Variants in RBFOX1 observed in about 807,000 individuals in gnomAD.
The protein encoded by RBFOX1 is RNA binding protein fox-1 homolog 1.
In RBFOX1, 8 loss-of-function variants were observed where a neutral mutation model predicts 57.7. The ratio of observed to expected loss-of-function variants is 0.14; its 90% CI spans 0.08 to 0.25. RBFOX1 has a LOEUF of 0.25. RBFOX1 is among the 10% of genes least tolerant of loss of function. RBFOX1 has a pLI of 1.00. For missense variants in RBFOX1, 611 were observed against 548.5 expected (o/e 1.11, Z -1.14); for synonymous variants, 326 against 222.4 (o/e 1.47, Z -4.15).
chr16:6,816,170 G>C (rs929373244), intron 3 of RBFOX1, among the ~76,000 whole-genome samples: 1 of 152,058 alleles, frequency 6.6e-6, no homozygotes, highest in Non-Finnish European at 1.5e-5. Context: ...AATTAGGTAG[G>C]TGTGGTGATG....
intron 5 of RBFOX1, among the ~76,000 whole-genome samples, chr16:7,557,928 GA>G (rs1276937817): frequency 1.3e-4 from 20 of 152,032 alleles, no homozygotes; most frequent in African/African-American, 4.3e-4. Context: ...TGCAGAAGTG[GA>G]CCATCACGCA....
intron 2 of RBFOX1, among the ~76,000 whole-genome samples, chr16:6,605,776 A>G (rs1033205506): frequency 1.3e-5 from 2 of 152,296 alleles, no homozygotes; most frequent in Middle Eastern, 3.4e-3. Flanking sequence ...GCATTTCATT[A>G]TGAAACAACA....
At chr16:5,977,511 G>C in intron 4 of RBFOX1, among the ~76,000 whole-genome samples, 1 of 152,272 alleles carries the variant, frequency 6.6e-6, no homozygotes, top group African/African-American at 2.4e-5. Flanking sequence ...TCGCTCTGGA[G>C]AGAGCATGGC....
At chr16:7,698,205 T>C (rs1366580322) in intron 14 of RBFOX1, among the ~76,000 whole-genome samples, 1 of 149,684 alleles carries the variant, frequency 6.7e-6, no homozygotes, top group Non-Finnish European at 1.5e-5. Flanking sequence ...TGTGTGTGTG[T>C]GTGTGTGTGT....
intron 4 of RBFOX1, among the ~76,000 whole-genome samples, chr16:7,506,097 A>G (rs2151945062): frequency 6.7e-6 from 1 of 148,482 alleles, no homozygotes; most frequent in South Asian, 2.2e-4. Flanking sequence ...AGGCAGGAGA[A>G]CTGCTTGAAC....
At chr16:7,187,941 G>T (rs1439070559) in intron 4 of RBFOX1, among the ~76,000 whole-genome samples, 1 of 152,146 alleles carries the variant, frequency 6.6e-6, no homozygotes, top group African/African-American at 2.4e-5. Flanking sequence ...TCAAATCACA[G>T]CACTTTAAGA....
At chr16:7,367,068 C>A (rs944393715) in intron 4 of RBFOX1, among the ~76,000 whole-genome samples, 2 of 144,322 alleles carry the variant, frequency 1.4e-5, no homozygotes, top group African/African-American at 2.6e-5. Flanking sequence ...TTTTTTTTTT[C>A]TTTTTGTCTT....
chr16:5,960,109 G>C lies in RBFOX1; in HGVS notation c.351+92774G>C, dbSNP rs145602275. ...CCAGCTACTTAGGAGGCCGAGACAGGAGAATTGCTTGAACCCAAGTGGCGG... is the reference window on the plus strand; with the variant it reads ...CCAGCTACTTAGGAGGCCGAGACAGCAGAATTGCTTGAACCCAAGTGGCGG... On this transcript the variant is annotated intron_variant, in intron 4 of 19. Transcript: ENST00000641259. Among the ~76,000 whole-genome samples the C allele has an allele frequency of 6.7e-3, 1,027 of 152,274 alleles. 6 individuals are homozygous for C. The highest frequency in any genetic ancestry group is 0.012 in the Non-Finnish European group (796 of 68,034).
intron 2 of RBFOX1, among the ~76,000 whole-genome samples, chr16:5,475,710 G>T (rs1053302980): frequency 2.6e-5 from 4 of 152,244 alleles, no homozygotes; most frequent in African/African-American, 9.6e-5. Flanking sequence ...AAATGGTGAA[G>T]GTGAGTCTTT....
chr16:6,694,734 A>C (rs374199643), intron 3 of RBFOX1, among the ~76,000 whole-genome samples: 1 of 152,292 alleles, frequency 6.6e-6, no homozygotes, highest in Middle Eastern at 3.4e-3. Flanking sequence ...CATTGGTAAT[A>C]GGTATAAAAA....
intron 1 of RBFOX1, among the ~76,000 whole-genome samples, chr16:6,156,770 T>C (rs916784082): frequency 2.0e-5 from 3 of 152,178 alleles, no homozygotes; most frequent in African/African-American, 7.2e-5. Context: ...TGGGGGCTCT[T>C]GTGTTACTCG....
chr16:6,726,525 G>T (rs1208163819), intron 3 of RBFOX1, among the ~76,000 whole-genome samples: 1 of 151,884 alleles, frequency 6.6e-6, no homozygotes, highest in Admixed American at 6.6e-5. Flanking sequence ...AAAGTACAGT[G>T]CCTGGACATG....
chr16:6,853,126 C>T (rs7500396), intron 3 of RBFOX1, among the ~76,000 whole-genome samples: 79,806 of 151,990 alleles, frequency 0.53, 23,309 homozygotes, highest in African/African-American at 0.79. Flanking sequence ...AATGATTGTG[C>T]GAACTTGGGA....
At chr16:5,799,795 A>G (rs1166688698) in intron 3 of RBFOX1, among the ~76,000 whole-genome samples, 1 of 152,176 alleles carries the variant, frequency 6.6e-6, no homozygotes, top group Non-Finnish European at 1.5e-5. Flanking sequence ...GAGCTTCTGA[A>G]TAGCTCTTTG....
At chr16:7,245,890 G>A (rs1358577039) in intron 4 of RBFOX1, among the ~76,000 whole-genome samples, 1 of 152,038 alleles carries the variant, frequency 6.6e-6, no homozygotes, top group Non-Finnish European at 1.5e-5. Context: ...CTACAGTCTT[G>A]CAAATAGATA....
Position 7,366,407 on chromosome 16 carries a change from T to C in RBFOX1, c.28-151740T>C, listed in dbSNP as rs1050104238. Among the ~76,000 whole-genome samples, 5 of 152,186 alleles carry C rather than the reference T, an allele frequency of 3.3e-5. No individual in the cohort carries two copies. In the South Asian group the frequency reaches 6.2e-4, roughly 19 times the overall value. ...CAGGGAAGCTGCGCCCTGACATTTATGGCTGAGCCGAGTTTGGCCTTGAAA... is the reference window on the plus strand; with the variant it reads ...CAGGGAAGCTGCGCCCTGACATTTACGGCTGAGCCGAGTTTGGCCTTGAAA... On this transcript the variant is annotated intron_variant, in intron 4 of 15. Coordinates refer to ENST00000550418, the MANE Select transcript of RBFOX1 (RefSeq NM_018723.4).
At chr16:6,010,309 G>A (rs2094953991) in intron 4 of RBFOX1, among the ~76,000 whole-genome samples, 1 of 152,156 alleles carries the variant, frequency 6.6e-6, no homozygotes, top group African/African-American at 2.4e-5. Context: ...AATAAGTGAT[G>A]GAAACTGGTG....
In RBFOX1 at chr16:5,247,907, G is replaced by C. The variant is rs1002559635; in HGVS notation, c.219+7802G>C. Among the ~76,000 whole-genome samples, 4 of 152,320 alleles carry C rather than the reference G, an allele frequency of 2.6e-5. No individual in the cohort carries two copies. In the East Asian group the frequency reaches 7.7e-4, roughly 29 times the overall value. Reference sequence around the variant, plus strand: ...TGAGTCCCAATTCTGCAGGTCTTTGGTATCAGGGGCACAACCCAGGATTTT... The same window carrying C: ...TGAGTCCCAATTCTGCAGGTCTTTGCTATCAGGGGCACAACCCAGGATTTT... On this transcript the variant is annotated intron_variant, in intron 1 of 2. Coordinates refer to the RBFOX1 transcript ENST00000585867.
chr16:7,442,036 G>C (rs775261430), intron 4 of RBFOX1, among the ~76,000 whole-genome samples: 1 of 152,232 alleles, frequency 6.6e-6, no homozygotes, highest in Non-Finnish European at 1.5e-5. Flanking sequence ...TTCATGGGGA[G>C]AATGGGATCC....
Sources: allele counts gnomAD v4.1 joint callset (sites outside exome capture counted in the v4.1 genomes callset), GRCh38; gene constraint gnomAD v4.1.1; transcripts MANE v1.5; gene names NCBI Gene and HGNC (gene_info 2026-07-23, HGNC 2026-07-21).